Variants in KIAA0232 observed in about 807,000 individuals in gnomAD.
KIAA0232 encodes KIAA0232, also known as uncharacterized protein KIAA0232.
Under a neutral mutation model 122.0 loss-of-function variants are expected in KIAA0232, and 27 were observed. The ratio of observed to expected loss-of-function variants is 0.22; its 90% CI spans 0.16 to 0.31. The LOEUF (loss-of-function observed/expected upper bound fraction) is 0.31. KIAA0232 is among the 10% of genes least tolerant of loss of function. The pLI is 1.00. For missense variants in KIAA0232, 1,551 were observed against 1,634.2 expected (o/e 0.95, Z 0.88); for synonymous variants, 613 against 587.6 (o/e 1.04, Z -0.63).
intron 3 of KIAA0232, among the ~76,000 whole-genome samples, chr4:6,835,719 TTTGG>T (rs1469954839): frequency 1.3e-5 from 2 of 152,170 alleles, no homozygotes; most frequent in Non-Finnish European, 2.9e-5. Context: ...ACATGAAGTG[TTTGG>T]TTTTCTGTCC....
chr4:6,831,151 G>C (rs1030519199), intron 3 of KIAA0232, among the ~76,000 whole-genome samples: 5 of 151,994 alleles, frequency 3.3e-5, no homozygotes, highest in Non-Finnish European at 7.4e-5. Context: ...CACCTCCCAG[G>C]TTCAAGCGAT....
intron 1 of KIAA0232, among the ~76,000 whole-genome samples, chr4:6,798,345 G>A (rs545318928): frequency 3.9e-5 from 6 of 152,270 alleles, no homozygotes; most frequent in African/African-American, 1.4e-4. Context: ...ACTATAGAGA[G>A]CCTAGGTACT....
intron 1 of KIAA0232, among the ~76,000 whole-genome samples, chr4:6,804,289 G>A (rs963012789): frequency 1.3e-5 from 2 of 152,152 alleles, no homozygotes; most frequent in African/African-American, 4.8e-5. Flanking sequence ...GCTCCCTCTT[G>A]TTCTGGTACA....
At chr4:6,858,681 T>C (rs1720690904) in intron 6 of KIAA0232, among the ~76,000 whole-genome samples, 175 bp downstream of exon 6, 1 of 152,270 alleles carries the variant, frequency 6.6e-6, no homozygotes, top group Admixed American at 6.5e-5. Flanking sequence ...TGAAACAAGA[T>C]GGTTCTGTCC....
At chr4:6,785,651 G>C (rs191817623) in intron 1 of KIAA0232, among the ~76,000 whole-genome samples, 2 of 152,222 alleles carry the variant, frequency 1.3e-5, no homozygotes, top group South Asian at 2.1e-4. Context: ...TCCATTCTTT[G>C]CCTGGCTGCC....
chr4:6,804,677 A>G (rs1042369885), intron 2 of KIAA0232, 71 bp downstream of exon 2: 1 of 152,222 alleles, frequency 6.6e-6, no homozygotes, highest in African/African-American at 2.4e-5. Context: ...AGGGAATACT[A>G]ATTGATTTAC....
chr4:6,784,198 G>A (rs1716505141), intron 1 of KIAA0232, among the ~76,000 whole-genome samples: 1 of 151,868 alleles, frequency 6.6e-6, no homozygotes, highest in African/African-American at 2.4e-5. Context: ...TACCTGGGTT[G>A]GATACTTTGA....
intron 2 of KIAA0232, among the ~76,000 whole-genome samples, chr4:6,805,364 A>C (rs1717569012): frequency 6.6e-6 from 1 of 152,218 alleles, no homozygotes; most frequent in East Asian, 1.9e-4. Context: ...TTTAACTATT[A>C]GGATATGAAT....
intron 4 of KIAA0232, among the ~76,000 whole-genome samples, chr4:6,849,379 T>A (rs1463960062): frequency 6.6e-6 from 1 of 152,166 alleles, no homozygotes; most frequent in African/African-American, 2.4e-5. Context: ...CCCAGCACTT[T>A]GGGAGGCAGG....
chr4:6,843,927 CTTTTTTTTTTTTTTTTTTTTTTT>C (rs373793407), intron 4 of KIAA0232, among the ~76,000 whole-genome samples: 1,601 of 46,584 alleles, frequency 0.034, 88 homozygotes, highest in African/African-American at 0.1. Context: ...AGTTACCCAT[CTTTTTTTTTTTTTTTTTTTTTTT>C]TTTTTTTTTG....
At chr4:6,873,237 G>A (rs1721587622) in intron 8 of KIAA0232, among the ~76,000 whole-genome samples, 1 of 152,240 alleles carries the variant, frequency 6.6e-6, no homozygotes, top group Admixed American at 6.5e-5. Context: ...AAATCACACA[G>A]TTAACTATTA....
chr4:6,842,013 ATAG>A, intron 3 of KIAA0232, 51 bp from the exon 4 acceptor site: 1 of 1,602,716 alleles, frequency 6.2e-7, no homozygotes, highest in Non-Finnish European at 8.5e-7. Flanking sequence ...TAGGTGGAAC[ATAG>A]TAGTGTCCAA....
At chr4:6,873,234 A>G (rs959099912) in intron 8 of KIAA0232, among the ~76,000 whole-genome samples, 11 of 152,352 alleles carry the variant, frequency 7.2e-5, no homozygotes, top group African/African-American at 1.9e-4. Context: ...CCGAAATCAC[A>G]CAGTTAACTA....
chr4:6,791,642 T>C (rs1716900233), intron 1 of KIAA0232, among the ~76,000 whole-genome samples: 1 of 152,178 alleles, frequency 6.6e-6, no homozygotes, highest in Admixed American at 6.6e-5. Context: ...AGCCGACTTT[T>C]TAACATGAAC....
chr4:6,834,246 T>G (rs997696291), intron 3 of KIAA0232, among the ~76,000 whole-genome samples: 1 of 152,284 alleles, frequency 6.6e-6, no homozygotes, highest in Non-Finnish European at 1.5e-5. Flanking sequence ...TTTTCATTTA[T>G]AAATTGTACA....
chr4:6,870,909 T>G (rs185213270), intron 7 of KIAA0232, among the ~76,000 whole-genome samples: 3 of 152,288 alleles, frequency 2.0e-5, no homozygotes, highest in African/African-American at 7.2e-5. Context: ...TCAGAGCACC[T>G]CATGCCAGTA....
chr4:6,883,772 G>A lies in KIAA0232; in HGVS notation c.*2806G>A, dbSNP rs1216865621. 2 of 152,142 alleles carry A rather than the reference G, an allele frequency of 1.3e-5. No individual in the cohort carries two copies. Among genetic ancestry groups the A allele is most frequent in the Admixed American group, 1.3e-4 (2 of 15,270 alleles). 9.4% of individuals were successfully genotyped at this position (152,142 alleles called of 1,614,324 possible). ...AGTGTGTTTTTAAAGAAGTATAAGGGAAAAGGAAAACTCATATGTCCTTCT... is the reference window on the plus strand; with the variant it reads ...AGTGTGTTTTTAAAGAAGTATAAGGAAAAAGGAAAACTCATATGTCCTTCT... On this transcript the variant is annotated 3_prime_UTR_variant, in exon 10 of 10. Coordinates refer to ENST00000307659, the MANE Select transcript of KIAA0232 (RefSeq NM_014743.3).
rs1023206405 is a variant in KIAA0232, at chr4:6,862,679, C to T, written c.2297C>T (p.Thr766Ile). 1.9e-6 allele frequency: 3 copies of T among 1,610,534 alleles called. No individual in the cohort carries two copies. Among genetic ancestry groups the T allele is most frequent in the African/African-American group, 2.7e-5 (2 of 74,640 alleles). ...EELLDFLQDETCQQNSRTLGE... is the reference protein window; with the variant it reads ...EELLDFLQDEICQQNSRTLGE... ...CTTCTAGATTTTTTGCAAGATGAAA[C>T]TTGCCAGCAAAACAGTAGAACTTTA... Residue 766 changes from threonine (T) to isoleucine (I), a missense_variant, in exon 7 of 10, where the codon ACT becomes ATT. Transcript: ENST00000307659.
intron 2 of KIAA0232, among the ~76,000 whole-genome samples, chr4:6,812,929 C>A (rs796814552): frequency 1.3e-5 from 2 of 152,110 alleles, no homozygotes; most frequent in Non-Finnish European, 2.9e-5. Flanking sequence ...GTTGTAATCA[C>A]ACCTAAAATT....
Sources: gnomAD v4.1 joint callset for allele counts (sites outside exome capture counted in the v4.1 genomes callset) on GRCh38, gnomAD v4.1.1 for gene constraint, MANE v1.5 for transcripts, NCBI Gene and HGNC (gene_info 2026-07-23, HGNC 2026-07-21) for gene names.